Variants in DOCK4 observed in about 807,000 individuals in gnomAD.
The protein encoded by DOCK4 is dedicator of cytokinesis protein 4.
DOCK4 carries 97 observed loss-of-function variants against 268.1 expected under a neutral mutation model. That is an observed-to-expected ratio of 0.36 (90% CI 0.31 to 0.43). The LOEUF (loss-of-function observed/expected upper bound fraction) is 0.43. Among genes scored for constraint, DOCK4 ranks in the 20% least tolerant of loss-of-function variants. The probability of loss-of-function intolerance (pLI) is 1.00; values close to 1 mark genes in which losing one functional copy is unlikely to be tolerated. For synonymous variants in DOCK4, 954 were observed against 887.2 expected (o/e 1.08, Z -1.34); for missense variants, 2,145 against 2,455.7 (o/e 0.87, Z 2.67).
chr7:112,000,457 A>T (rs201349542), intron 3 of DOCK4, 37 bp downstream of exon 3: 1 of 794,770 alleles, frequency 1.3e-6, no homozygotes, highest in Non-Finnish European at 1.7e-6. Context: ...CTTTCTTAAT[A>T]AATTTCATAA....
At chr7:112,020,507 T>A (rs1309919182) in intron 1 of DOCK4, among the ~76,000 whole-genome samples, 1 of 152,076 alleles carries the variant, frequency 6.6e-6, no homozygotes, top group Non-Finnish European at 1.5e-5. Context: ...ACCAATATTT[T>A]AGAATTTACA....
At chr7:111,955,591 G>A (rs754743870) in intron 8 of DOCK4, among the ~76,000 whole-genome samples, 1 of 152,050 alleles carries the variant, frequency 6.6e-6, no homozygotes, top group Non-Finnish European at 1.5e-5. Context: ...TCTCCGTCAC[G>A]CTATTTGTCT....
At chr7:111,995,831 T>C (rs1378274497) in intron 4 of DOCK4, among the ~76,000 whole-genome samples, 1 of 152,198 alleles carries the variant, frequency 6.6e-6, no homozygotes, top group African/African-American at 2.4e-5. Flanking sequence ...CTATGAATAT[T>C]TTCCTTCTTT....
chr7:111,804,464 G>T (rs1049489950), intron 30 of DOCK4, among the ~76,000 whole-genome samples: 14 of 152,166 alleles, frequency 9.2e-5, no homozygotes, highest in African/African-American at 3.4e-4. Flanking sequence ...TGTTTATTGG[G>T]TATAGAGTTT....
intron 1 of DOCK4, among the ~76,000 whole-genome samples, chr7:112,088,960 C>T (rs184998288): frequency 3.9e-4 from 60 of 152,162 alleles, no homozygotes; most frequent in Admixed American, 2.0e-3. Flanking sequence ...GTTGTCAATG[C>T]TTGTTTTTAT....
intron 30 of DOCK4, 81 bp from the exon 31 acceptor site, chr7:111,790,686 A>C: frequency 2.2e-6 from 3 of 1,392,908 alleles, no homozygotes; most frequent in East Asian, 5.1e-5. Flanking sequence ...AATTTGTTTA[A>C]AACTATTGCT....
At chr7:111,962,295 G>C (rs1188520231) in intron 8 of DOCK4, among the ~76,000 whole-genome samples, 1 of 152,116 alleles carries the variant, frequency 6.6e-6, no homozygotes, top group African/African-American at 2.4e-5. Flanking sequence ...TGTATTTCCT[G>C]TACTGGTTTT....
chr7:111,784,378 T>C, intron 32 of DOCK4: 2 of 660,572 alleles, frequency 3.0e-6, no homozygotes, highest in Non-Finnish European at 5.6e-6. Context: ...AAAAATATTT[T>C]CCTACCTCTC....
At chr7:111,974,435 G>A (rs1797977689) in intron 8 of DOCK4, among the ~76,000 whole-genome samples, 1 of 151,630 alleles carries the variant, frequency 6.6e-6, no homozygotes, top group Admixed American at 6.6e-5. Context: ...GCAGTGGGAA[G>A]GGACTGACTT....
intron 1 of DOCK4, among the ~76,000 whole-genome samples, chr7:112,164,754 T>C (rs780637690): frequency 6.6e-6 from 1 of 152,250 alleles, no homozygotes; most frequent in Non-Finnish European, 1.5e-5. Context: ...TGAATCTTTG[T>C]GACCATCCTG....
intron 1 of DOCK4, among the ~76,000 whole-genome samples, chr7:112,175,196 A>G (rs531636397): frequency 7.2e-5 from 11 of 152,116 alleles, no homozygotes; most frequent in African/African-American, 2.6e-4. Flanking sequence ...TTGACATCTT[A>G]ATCATTTCTT....
At chr7:111,808,075 C>T (rs752900703) in intron 30 of DOCK4, 8 of 152,126 alleles carry the variant, frequency 5.3e-5, no homozygotes, top group Non-Finnish European at 4.4e-5. Context: ...GTATTCAACT[C>T]AAATAGGTCA....
intron 13 of DOCK4, among the ~76,000 whole-genome samples, chr7:111,906,375 T>C (rs1791569199): frequency 6.6e-6 from 1 of 152,052 alleles, no homozygotes; most frequent in African/African-American, 2.4e-5. Context: ...TTTTAAAATG[T>C]TGAAGTTCCA....
At chr7:111,894,574 G>C (rs982867612) in intron 16 of DOCK4, among the ~76,000 whole-genome samples, 2 of 152,164 alleles carry the variant, frequency 1.3e-5, no homozygotes, top group Admixed American at 1.3e-4. Flanking sequence ...TTATGGCCCA[G>C]GTGAGCCTCC....
chr7:111,994,028 C>A, intron 5 of DOCK4, 107 bp downstream of exon 5: 1 of 622,370 alleles, frequency 1.6e-6, no homozygotes, highest in Non-Finnish European at 2.8e-6. Flanking sequence ...CCAAGGAGTC[C>A]TGGAGACTTG....
At chr7:111,979,059 G>A (rs1394764486) in intron 7 of DOCK4, among the ~76,000 whole-genome samples, 2 of 152,154 alleles carry the variant, frequency 1.3e-5, no homozygotes, top group Admixed American at 6.5e-5. Flanking sequence ...GAGGGATAAG[G>A]TAAATGACCC....
At chr7:112,047,464 T>C (rs1025725128) in intron 1 of DOCK4, among the ~76,000 whole-genome samples, 5 of 152,176 alleles carry the variant, frequency 3.3e-5, no homozygotes, top group Non-Finnish European at 7.3e-5. Flanking sequence ...AATAGTATTA[T>C]AACTGTATTC....
rs1554402961 is a variant in DOCK4 at position 111,983,862 on chromosome 7, G to GCACACACACACA, written c.549+432_549+443dup. Among the ~76,000 whole-genome samples the GCACACACACACA allele has an allele frequency of 2.4e-3, 336 of 138,642 alleles. 1 individual carries two copies. Among genetic ancestry groups the GCACACACACACA allele is most frequent in the Non-Finnish European group, 3.4e-3 (224 of 65,144 alleles). 91.0% of individuals were successfully genotyped at this position (138,642 alleles called of 152,430 possible). ...CACACACACGCGCGCGCGCGCGCGC[G>GCACACACACACA]CACACACACACACACACACACACAC... On this transcript the variant is annotated intron_variant, in intron 7 of 52. Transcript: ENST00000428084.
At chr7:111,899,341 A>C (rs1384513335) in intron 15 of DOCK4, among the ~76,000 whole-genome samples, 1 of 152,188 alleles carries the variant, frequency 6.6e-6, no homozygotes, top group Non-Finnish European at 1.5e-5. Flanking sequence ...CTTCTTCAAA[A>C]ATGTGATTCT....
Sources: gnomAD v4.1 joint callset for allele counts (sites outside exome capture counted in the v4.1 genomes callset) on GRCh38, gnomAD v4.1.1 for gene constraint, MANE v1.5 for transcripts, NCBI Gene and HGNC (gene_info 2026-07-23, HGNC 2026-07-21) for gene names.